The following ITPR1 variants were observed in gnomAD, a reference collection of about 807,000 sequenced individuals.
ITPR1 encodes the protein inositol 1,4,5-trisphosphate receptor type 1.
A neutral mutation model predicts 318.4 loss-of-function variants in ITPR1; 96 were observed. That is an observed-to-expected ratio of 0.30 (90% confidence interval 0.26 to 0.36). The LOEUF (loss-of-function observed/expected upper bound fraction) is 0.36. Among genes scored for constraint, ITPR1 ranks in the 10% least tolerant of loss-of-function variants. The pLI is 1.00. For synonymous variants in ITPR1, 1,312 were observed against 1,289.9 expected (o/e 1.02, Z -0.37); for missense variants, 2,440 against 3,460.2 (o/e 0.71, Z 7.40).
chr3:4,775,859 A>G (rs2046452204), intron 47 of ITPR1, among the ~76,000 whole-genome samples: 1 of 152,246 alleles, frequency 6.6e-6, no homozygotes, highest in Non-Finnish European at 1.5e-5. Context: ...TACACGTGAG[A>G]CAGCTTGAAA....
intron 18 of ITPR1, 57 bp from the exon 19 acceptor site, chr3:4,669,597 C>G: frequency 6.5e-7 from 1 of 1,533,658 alleles, no homozygotes. Context: ...AATTGGGGTC[C>G]AGGAGCCTAA....
chr3:4,628,084 T>C (rs1228755244), intron 5 of ITPR1, among the ~76,000 whole-genome samples: 1 of 152,222 alleles, frequency 6.6e-6, no homozygotes, highest in Non-Finnish European at 1.5e-5. Context: ...AGTTCTTCTT[T>C]TCTCAGCCAC....
At position 4,683,720 on chromosome 3, in the gene ITPR1, G is replaced by A; in HGVS notation, c.3420G>A (p.Glu1140=). Residue 1140 remains glutamate, a synonymous_variant, in exon 28 of 62, where the codon GAG becomes GAA. Transcript: ENST00000649015. ...DQLRSIVEKS[E]LWVYKGQGPD... ...TGAGGTCCATCGTGGAAAAGTCAGA[G>A]CTTTGGGTGTACAAAGGGCAGGGCC... 6.2e-7 allele frequency: 1 copy of A among 1,614,050 alleles called. No homozygotes were observed. Among genetic ancestry groups the A allele is most frequent in the Non-Finnish European group, 8.5e-7 (1 of 1,179,894 alleles).
intron 4 of ITPR1, among the ~76,000 whole-genome samples, chr3:4,579,461 A>G (rs1285490211): frequency 6.6e-6 from 1 of 152,232 alleles, no homozygotes; most frequent in East Asian, 1.9e-4. Flanking sequence ...AGTATGATAT[A>G]GATTCTGTAA....
intron 12 of ITPR1, among the ~76,000 whole-genome samples, chr3:4,654,723 G>A (rs2093668393): frequency 6.6e-6 from 1 of 152,196 alleles, no homozygotes; most frequent in East Asian, 1.9e-4. Context: ...AGAAATGGAG[G>A]GATTTTCTTA....
intron 34 of ITPR1, among the ~76,000 whole-genome samples, chr3:4,698,757 G>C (rs1384121429): frequency 6.6e-6 from 1 of 152,154 alleles, no homozygotes; most frequent in Admixed American, 6.5e-5. Flanking sequence ...GAGAACATGA[G>C]AGTCTCTTAG....
Position 4,680,578 on chromosome 3 carries a change from A to G in ITPR1, c.2993A>G (p.Tyr998Cys), listed in dbSNP as rs1330687718. ...LQFILNVRLD[Y>C]RISCLLCIFK... ...TTTATTTTGAATGTGAGGTTGGATTATAGGATCTCCTGCCTCCTGTGTATA... is the reference window on the plus strand; with the variant it reads ...TTTATTTTGAATGTGAGGTTGGATTGTAGGATCTCCTGCCTCCTGTGTATA... Residue 998 changes from tyrosine (Y) to cysteine (C), a missense_variant, in exon 25 of 62, where the codon TAT becomes TGT. Tyr to Cys is a radical substitution (Grantham distance 194, BLOSUM62 -2). Transcript: ENST00000649015. 3 of 1,613,204 alleles carry G rather than the reference A, an allele frequency of 1.9e-6. No homozygotes were observed. Among genetic ancestry groups the G allele is most frequent in the Non-Finnish European group, 2.5e-6 (3 of 1,179,172 alleles).
intron 32 of ITPR1, among the ~76,000 whole-genome samples, 186 bp from the exon 33 acceptor site, chr3:4,693,304 A>G (rs1186215402): frequency 1.3e-5 from 2 of 152,060 alleles, no homozygotes; most frequent in South Asian, 2.1e-4. Context: ...GTATCTGTGG[A>G]CTAAAATTAT....
intron 2 of ITPR1, among the ~76,000 whole-genome samples, chr3:4,504,375 C>T (rs555263720): frequency 3.9e-5 from 6 of 152,230 alleles, no homozygotes; most frequent in South Asian, 4.2e-4. Flanking sequence ...AGATTTACAG[C>T]TGCTGTTTCT....
chr3:4,824,792 G>A (rs957686289), intron 60 of ITPR1, among the ~76,000 whole-genome samples: 10 of 152,178 alleles, frequency 6.6e-5, no homozygotes, highest in Non-Finnish European at 4.4e-5. Context: ...AGCAACCACT[G>A]CTCAGACAAC....
At chr3:4,706,381 T>C in intron 37 of ITPR1, 30 bp downstream of exon 37, 2 of 1,570,756 alleles carry the variant, frequency 1.3e-6, no homozygotes, top group Non-Finnish European at 1.7e-6. Flanking sequence ...GAAGTGATGC[T>C]TAGCCTGGCC....
chr3:4,656,405 A>T (rs186981586), intron 12 of ITPR1, among the ~76,000 whole-genome samples: 129 of 152,342 alleles, frequency 8.5e-4, no homozygotes, highest in African/African-American at 3.0e-3. Flanking sequence ...ATGTTGCTCA[A>T]AGTTCTTACT....
intron 44 of ITPR1, among the ~76,000 whole-genome samples, chr3:4,742,287 G>A (rs997263056): frequency 6.6e-6 from 1 of 152,226 alleles, no homozygotes; most frequent in African/African-American, 2.4e-5. Flanking sequence ...TCTGCAAAAT[G>A]AGGGTTGGAA....
At chr3:4,519,090 G>A (rs915047031) in intron 3 of ITPR1, among the ~76,000 whole-genome samples, 3 of 152,114 alleles carry the variant, frequency 2.0e-5, no homozygotes, top group Non-Finnish European at 4.4e-5. Flanking sequence ...AAAAAACTGA[G>A]ACCGGTAGGG....
intron 36 of ITPR1, among the ~76,000 whole-genome samples, chr3:4,703,727 C>T (rs1317369737): frequency 1.3e-5 from 2 of 152,162 alleles, no homozygotes; most frequent in Non-Finnish European, 2.9e-5. Context: ...TTTGGATATA[C>T]CTTGGGAGAT....
rs114647357 is a variant in ITPR1 at position 4,697,010 on chromosome 3, G to C, written c.4282-137G>C. 751 of 650,870 alleles carry C rather than the reference G, an allele frequency of 1.2e-3. 3 individuals are homozygous for C. In the African/African-American group the frequency reaches 0.013, roughly 11 times the overall value. The allele number at this position is 650,870 out of a possible 1,614,324, so 40.3% of individuals were successfully genotyped here. A position where few individuals can be genotyped will look rare whatever the true frequency, so the allele number is the denominator to read the frequency against. Reference sequence around the variant, plus strand: ...TCATAATTGTGAATTTCAAATATCAGAAAATCATAGAAGTAAGACTTGGCA... The same window carrying C: ...TCATAATTGTGAATTTCAAATATCACAAAATCATAGAAGTAAGACTTGGCA... On this transcript the variant is annotated intron_variant, in intron 33 of 61. Transcript: ENST00000649015.
intron 61 of ITPR1, among the ~76,000 whole-genome samples, chr3:4,844,805 T>C (rs983700117): frequency 2.6e-5 from 4 of 152,228 alleles, no homozygotes; most frequent in African/African-American, 7.2e-5. Context: ...GTAAGTCTTC[T>C]CATCTAAATT....
intron 4 of ITPR1, among the ~76,000 whole-genome samples, chr3:4,590,938 T>C (rs2090348601): frequency 6.6e-6 from 1 of 152,200 alleles, no homozygotes; most frequent in African/African-American, 2.4e-5. Flanking sequence ...TCATAAGTTC[T>C]TATCATTTAG....
chr3:4,640,996 C>A (rs1299823280), intron 6 of ITPR1, among the ~76,000 whole-genome samples: 2 of 152,166 alleles, frequency 1.3e-5, no homozygotes, highest in African/African-American at 2.4e-5. Flanking sequence ...ATGGATCAGA[C>A]AGGTTATTCT....
Sources: gnomAD v4.1 joint callset for allele counts (sites outside exome capture counted in the v4.1 genomes callset) on GRCh38, gnomAD v4.1.1 for gene constraint, MANE v1.5 for transcripts, NCBI Gene and HGNC (gene_info 2026-07-23, HGNC 2026-07-21) for gene names.